Variants in ZNF469 observed in about 807,000 individuals in gnomAD.
The protein encoded by ZNF469 is zinc finger protein 469.
In ZNF469, 1 loss-of-function variant was observed where a neutral mutation model predicts 1.0. That is an observed-to-expected ratio of 1.00 (90% CI 0.35 to 4.73). The LOEUF (loss-of-function observed/expected upper bound fraction) is 4.73, where lower values mean the gene tolerates loss of function less well. Ranked by LOEUF, ZNF469 falls within the 30% of genes most tolerant of loss-of-function variation. The pLI, the probability that ZNF469 is intolerant of heterozygous loss-of-function variation, is 0.16. For synonymous variants in ZNF469, 2,703 were observed against 2,363.4 expected (o/e 1.14, Z -4.17); for missense variants, 6,100 against 5,356.3 (o/e 1.14, Z -4.33).
At chr16:88,286,861 T>C in the ZNF469 span, among the ~76,000 whole-genome samples, 10 of 152,174 alleles carry the variant, frequency 6.6e-5, no homozygotes, top group Non-Finnish European at 1.3e-4. Context: ...TGAGTCCCCC[T>C]GAGGCCCTCG....
the ZNF469 span, among the ~76,000 whole-genome samples, chr16:88,163,895 A>AATGGATGG: frequency 1.0e-3 from 142 of 140,472 alleles, 2 homozygotes; most frequent in Admixed American, 1.9e-3. Context: ...TGGGTAGATG[A>AATGGATGG]ATGGATGGAT....
At chr16:88,342,692 C>A in the ZNF469 span, among the ~76,000 whole-genome samples, 2 of 152,178 alleles carry the variant, frequency 1.3e-5, no homozygotes, top group African/African-American at 4.8e-5. Context: ...TGAGGCTGTG[C>A]CAGCAGGCGG....
chr16:88,436,894 C>G lies in ZNF469; in HGVS notation c.9424C>G (p.Pro3142Ala), dbSNP rs984021205. The part of the protein sequence containing the change: ...LHKLAHTPAP[P>A]PTCYMCVERR... ...CAAGCTGGCCCACACGCCCGCGCCG[C>G]CGCCCACCTGCTACATGTGCGTGGA... The change falls in exon 3 of 3, where the codon CCG becomes GCG. Residue 3142 changes from proline (P) to alanine (A), a missense_variant. Pro to Ala is a conservative substitution (Grantham distance 27). Transcript: ENST00000565624. 6.7e-7 allele frequency: 1 copy of G among 1,503,270 alleles called. No individual in the cohort carries two copies. The highest frequency in any genetic ancestry group is 8.9e-7 in the Non-Finnish European group (1 of 1,128,746). The allele number at this position is 1,503,270 out of a possible 1,614,324, so 93.1% of individuals were successfully genotyped here.
chr16:88,402,470 A>G (rs1599351285), intron 1 of ZNF469, among the ~76,000 whole-genome samples: 1 of 152,044 alleles, frequency 6.6e-6, no homozygotes, highest in Non-Finnish European at 1.5e-5. Flanking sequence ...TGGGGGCACC[A>G]GCTTGGGGAG....
the ZNF469 span, among the ~76,000 whole-genome samples, chr16:88,166,802 A>ACACACAG: frequency 2.6e-5 from 1 of 38,768 alleles, no homozygotes; most frequent in Non-Finnish European, 6.3e-5. The surrounding 1 kb of genome is among the most constrained non-coding windows in gnomAD (Gnocchi z 4.5). Context: ...CACACACACA[A>ACACACAG]ATACATATAA....
the ZNF469 span, among the ~76,000 whole-genome samples, chr16:88,114,988 C>T: frequency 6.6e-6 from 1 of 152,112 alleles, no homozygotes; most frequent in Admixed American, 6.6e-5. Context: ...GCTTCTGGGG[C>T]CGGGGAAGCA....
At chr16:88,263,233 C>A in the ZNF469 span, among the ~76,000 whole-genome samples, 2 of 152,314 alleles carry the variant, frequency 1.3e-5, no homozygotes, top group South Asian at 2.1e-4. Flanking sequence ...ATGCCTCCCC[C>A]ACCCCACCCA....
At chr16:88,268,092 G>A in the ZNF469 span, among the ~76,000 whole-genome samples, 23 of 152,154 alleles carry the variant, frequency 1.5e-4, no homozygotes, top group Admixed American at 1.5e-3. Flanking sequence ...TCCTTTGGAT[G>A]TGTTTATTTG....
At chr16:88,273,783 GGT>G in the ZNF469 span, among the ~76,000 whole-genome samples, 1 of 151,680 alleles carries the variant, frequency 6.6e-6, no homozygotes, top group South Asian at 2.1e-4. Context: ...CATACAATGT[GGT>G]GTATTCACAC....
the ZNF469 span, among the ~76,000 whole-genome samples, chr16:88,335,727 T>C: frequency 5.9e-5 from 9 of 152,336 alleles, no homozygotes; most frequent in African/African-American, 1.7e-4. Flanking sequence ...CATGGAGGCA[T>C]TGACGCAGCA....
At chr16:88,216,755 A>G in the ZNF469 span, among the ~76,000 whole-genome samples, 1 of 152,258 alleles carries the variant, frequency 6.6e-6, no homozygotes, top group Non-Finnish European at 1.5e-5. Context: ...TTCTCCAGAG[A>G]TACTGATTAC....
At chr16:88,413,883 A>T (rs1165503518) in intron 1 of ZNF469, among the ~76,000 whole-genome samples, 1 of 152,140 alleles carries the variant, frequency 6.6e-6, no homozygotes, top group East Asian at 1.9e-4. Flanking sequence ...GGCAGGTGCC[A>T]TGGAGGCAGG....
At chr16:88,403,519 G>A (rs1028492063) in intron 1 of ZNF469, among the ~76,000 whole-genome samples, 1 of 151,980 alleles carries the variant, frequency 6.6e-6, no homozygotes, top group African/African-American at 2.4e-5. Context: ...AGGTCTCGGG[G>A]TCTGCAGCCG....
intron 1 of ZNF469, among the ~76,000 whole-genome samples, chr16:88,410,359 G>T (rs2142282458): frequency 6.6e-6 from 1 of 152,002 alleles, no homozygotes; most frequent in East Asian, 1.9e-4. Context: ...TGCTGTTGAT[G>T]GTGCAGGTCA....
the ZNF469 span, among the ~76,000 whole-genome samples, chr16:88,286,415 C>T: frequency 1.3e-5 from 2 of 152,218 alleles, no homozygotes; most frequent in African/African-American, 2.4e-5. Context: ...TCGCTGGTGC[C>T]CTCTTCTCCC....
chr16:88,281,277 G>T, the ZNF469 span, among the ~76,000 whole-genome samples: 1 of 136,886 alleles, frequency 7.3e-6, no homozygotes, highest in African/African-American at 2.6e-5. Flanking sequence ...TCATTTTGGT[G>T]CGTGGGTTAA....
Position 88,433,552 on chromosome 16 carries a change from G to A in ZNF469, c.6082G>A (p.Gly2028Ser), listed in dbSNP as rs192580109. The A allele has an allele frequency of 7.1e-6, 11 of 1,549,710 alleles. No individual in the cohort carries two copies. The highest frequency in any genetic ancestry group is 4.9e-5 in the East Asian group (2 of 40,916). ...VNASPKTALT[G>S]PTEGAVLLEK... ...TGCCAGTCCCAAAACAGCGCTGACC[G>A]GCCCCACCGAGGGTGCAGTCCTGCT... The change falls in exon 3 of 3, where the codon GGC becomes AGC. Residue 2028 changes from glycine to serine, a missense_variant. Transcript: ENST00000565624.
At chr16:88,178,870 TCACCTGGAGGCCGCCCACCAC>T in the ZNF469 span, 1 of 148,178 alleles carries the variant, frequency 6.7e-6, no homozygotes, top group African/African-American at 2.5e-5. Context: ...GAGGCCGCCT[TCACCTGGAGGCCGCCCACCAC>T]CTTCACCTGG....
upstream of ZNF469, among the ~76,000 whole-genome samples, chr16:88,381,984 C>T (rs1391675653): frequency 6.6e-6 from 1 of 152,244 alleles, no homozygotes; most frequent in African/African-American, 2.4e-5. Context: ...GTAAGTAAAG[C>T]GTGCTTGACC....
Sources: allele counts gnomAD v4.1 joint callset (sites outside exome capture counted in the v4.1 genomes callset), GRCh38; gene constraint gnomAD v4.1.1; non-coding constraint Gnocchi (gnomAD v3.1); transcripts MANE v1.5; gene names NCBI Gene and HGNC (gene_info 2026-07-23, HGNC 2026-07-21).